EDA: variants seen among roughly 807,000 people sequenced by gnomAD.
EDA encodes the protein ectodysplasin-A.
A neutral mutation model predicts 23.6 loss-of-function variants in EDA; 2 were observed. The ratio of observed to expected loss-of-function variants is 0.08; its 90% CI spans 0.03 to 0.27. The LOEUF is 0.27. Ranked by LOEUF, EDA falls within the 10% of genes least tolerant of loss-of-function variation. The pLI, the probability that EDA is intolerant of heterozygous loss-of-function variation, is 1.00. For synonymous variants in EDA, 131 were observed against 132.0 expected (o/e 0.99, Z 0.05); for missense variants, 229 against 324.2 (o/e 0.71, Z 2.26).
At chrX:69,903,962 C>A (rs971491356) in intron 1 of EDA, among the ~76,000 whole-genome samples, 1 of 110,117 alleles carries the variant, frequency 9.1e-6, no homozygotes, top group African/African-American at 3.3e-5. Flanking sequence ...AGGCGCCCAC[C>A]ACCATGCCTG....
intron 2 of EDA, among the ~76,000 whole-genome samples, chrX:70,020,416 G>A (rs764415008): frequency 5.4e-5 from 6 of 110,716 alleles, no homozygotes; most frequent in African/African-American, 2.0e-4. Flanking sequence ...AAAATTAGCC[G>A]GGCGTGGTGG....
At chrX:70,016,568 GA>G (rs1019514669) in intron 2 of EDA, among the ~76,000 whole-genome samples, 1 of 111,811 alleles carries the variant, frequency 8.9e-6, no homozygotes, top group African/African-American at 3.2e-5. Flanking sequence ...AATAAAAATA[GA>G]AATCAATACC....
At chrX:69,674,854 C>G (rs748900085) in intron 1 of EDA, among the ~76,000 whole-genome samples, 5 of 112,132 alleles carry the variant, frequency 4.5e-5, no homozygotes, top group Admixed American at 2.8e-4. Flanking sequence ...ACCTTCTACT[C>G]TCTTGGCTTC....
chrX:69,836,796 A>T (rs1208595747), intron 1 of EDA, among the ~76,000 whole-genome samples: 1 of 111,741 alleles, frequency 8.9e-6, no homozygotes, highest in African/African-American at 3.3e-5. Context: ...GAAATGCAGA[A>T]ATCACCCATC....
chrX:69,741,173 C>G (rs1311162667), intron 1 of EDA, among the ~76,000 whole-genome samples: 2 of 110,347 alleles, frequency 1.8e-5, no homozygotes, highest in Non-Finnish European at 3.8e-5. Context: ...CTTTGTCTAC[C>G]AAGTCTAACA....
intron 1 of EDA, among the ~76,000 whole-genome samples, chrX:69,868,360 T>G (rs777603908): frequency 1.4e-4 from 16 of 112,162 alleles, no homozygotes; most frequent in Non-Finnish European, 2.3e-4. Flanking sequence ...ATAAGACCAC[T>G]AGGCATTGTG....
rs1032870048 is a variant in EDA, at chrX:70,037,902, T to C, written c.*2293T>C. ...GCAGGCCTCTGGGACCCACAGAACTTGTGGCCTTTATGTTCTTTCACCCAT... is the reference window on the plus strand; with the variant it reads ...GCAGGCCTCTGGGACCCACAGAACTCGTGGCCTTTATGTTCTTTCACCCAT... On this transcript the variant is annotated 3_prime_UTR_variant, in exon 8 of 8. Transcript: ENST00000374552. 6.3e-5 allele frequency: 7 copies of C among 111,582 alleles called. No individual in the cohort carries two copies. The highest frequency in any genetic ancestry group is 2.3e-4 in the African/African-American group (7 of 30,634). The allele number at this position is 111,582 out of a possible 1,213,427, so 9.2% of individuals were successfully genotyped here. A position where few individuals can be genotyped will look rare whatever the true frequency, so the allele number is the denominator to read the frequency against.
intron 1 of EDA, among the ~76,000 whole-genome samples, chrX:69,768,859 A>T (rs2014546969): frequency 8.9e-6 from 1 of 111,810 alleles, no homozygotes; most frequent in Non-Finnish European, 1.9e-5. Context: ...CCCCCAAAAT[A>T]TTGATTATGA....
chrX:69,766,272 A>G (rs771478440), intron 1 of EDA, among the ~76,000 whole-genome samples: 2 of 111,123 alleles, frequency 1.8e-5, no homozygotes, highest in Non-Finnish European at 3.8e-5. Context: ...GTAGGGGGGA[A>G]GTATCTGGCA....
At chrX:69,951,766 C>T (rs1227279793) in intron 1 of EDA, among the ~76,000 whole-genome samples, 6 of 111,912 alleles carry the variant, frequency 5.4e-5, no homozygotes, top group African/African-American at 9.8e-5. Context: ...TCACTATGAA[C>T]GAACTGTTTC....
At chrX:69,882,842 A>G (rs1276406681) in intron 1 of EDA, among the ~76,000 whole-genome samples, 1 of 111,121 alleles carries the variant, frequency 9.0e-6, no homozygotes, top group African/African-American at 3.3e-5. Flanking sequence ...AGCTGGGATT[A>G]CAGGCATGCG....
chrX:69,786,956 T>G (rs1168448883), intron 1 of EDA, among the ~76,000 whole-genome samples: 1 of 101,610 alleles, frequency 9.8e-6, no homozygotes. Context: ...CAGGACTTGC[T>G]TTATGAATCT....
At chrX:69,676,484 C>CTGTG (rs372593855) in intron 1 of EDA, among the ~76,000 whole-genome samples, 28,644 of 106,189 alleles carry the variant, frequency 0.27, 3,232 homozygotes, top group African/African-American at 0.42. Context: ...ATGAGTTTTT[C>CTGTG]TGTGTGTGTG....
At chrX:69,679,235 T>G (rs1478103435) in intron 1 of EDA, among the ~76,000 whole-genome samples, 1 of 106,411 alleles carries the variant, frequency 9.4e-6, no homozygotes, top group Non-Finnish European at 1.9e-5. Flanking sequence ...AGTATTTTAT[T>G]GAGGATTTTT....
At chrX:69,826,546 T>G (rs760223347) in intron 1 of EDA, among the ~76,000 whole-genome samples, 1,388 of 102,393 alleles carry the variant, frequency 0.014, 15 homozygotes, top group African/African-American at 0.047. Flanking sequence ...GTTTTCCATT[T>G]GCTTGGTAGA....
intron 1 of EDA, among the ~76,000 whole-genome samples, chrX:69,906,645 A>G (rs2018181825): frequency 9.0e-6 from 1 of 111,191 alleles, no homozygotes; most frequent in South Asian, 3.8e-4. Context: ...AGCTAGGATG[A>G]TGGGATATAT....
chrX:70,026,143 G>T (rs1020959255), intron 3 of EDA, among the ~76,000 whole-genome samples: 5 of 112,221 alleles, frequency 4.5e-5, no homozygotes, highest in Non-Finnish European at 9.4e-5. Flanking sequence ...AACTACCTCA[G>T]GTGAAGACAT....
At chrX:69,725,504 C>G (rs2012759583) in intron 1 of EDA, among the ~76,000 whole-genome samples, 1 of 112,426 alleles carries the variant, frequency 8.9e-6, no homozygotes, top group Non-Finnish European at 1.9e-5. Flanking sequence ...CTCTACACAC[C>G]TCTAGTCACA....
At chrX:69,715,166 G>T (rs1336238527) in intron 1 of EDA, among the ~76,000 whole-genome samples, 2 of 104,561 alleles carry the variant, frequency 1.9e-5, no homozygotes, top group Non-Finnish European at 3.9e-5. Flanking sequence ...GGAGTTTGTT[G>T]TACAGATTAT....
Sources: allele counts gnomAD v4.1 joint callset (sites outside exome capture counted in the v4.1 genomes callset), GRCh38; gene constraint gnomAD v4.1.1; transcripts MANE v1.5; gene names NCBI Gene and HGNC (gene_info 2026-07-23, HGNC 2026-07-21).